The following MAP4 variants were observed in gnomAD, a reference collection of about 807,000 sequenced individuals.
MAP4 encodes microtubule associated protein 4, also known as microtubule-associated protein 4.
Under a neutral mutation model 170.2 loss-of-function variants are expected in MAP4, and 76 were observed. The observed-to-expected ratio is 0.45, with a 90% CI of 0.37 to 0.54. The LOEUF (loss-of-function observed/expected upper bound fraction) is 0.54. Among genes scored for constraint, MAP4 ranks in the 20% least tolerant of loss-of-function variants. The pLI is 0.00. For synonymous variants in MAP4, 909 were observed against 994.5 expected, an observed-to-expected ratio of 0.91 and a Z score of 1.62; for missense variants, 2,506 against 2,748.0, an observed-to-expected ratio of 0.91 and a Z score of 1.97.
intron 3 of MAP4, among the ~76,000 whole-genome samples, chr3:47,928,697 G>C (rs936179522): frequency 8.6e-5 from 13 of 151,828 alleles, no homozygotes; most frequent in African/African-American, 2.7e-4. Context: ...AAATAAAGTA[G>C]GTCATTAAGG....
chr3:47,891,348 T>C, intron 10 of MAP4: 1 of 1,536,152 alleles, frequency 6.5e-7, no homozygotes, highest in Non-Finnish European at 8.7e-7. Context: ...AAAGGAGGTA[T>C]CTCTTTAGTA....
chr3:47,945,868 C>T (rs1014719590), intron 3 of MAP4, among the ~76,000 whole-genome samples: 1 of 151,712 alleles, frequency 6.6e-6, no homozygotes, highest in African/African-American at 2.4e-5. Flanking sequence ...CACATCACCA[C>T]ACCCAGCTAA....
At chr3:47,906,538 C>T (rs2100033127) in intron 9 of MAP4, among the ~76,000 whole-genome samples, 3 of 151,746 alleles carry the variant, frequency 2.0e-5, no homozygotes, top group Admixed American at 6.6e-5. Flanking sequence ...ACAAAATTAG[C>T]TGGGCGTGGT....
At chr3:48,013,014 C>T (rs1000918402) in intron 1 of MAP4, among the ~76,000 whole-genome samples, 3 of 151,374 alleles carry the variant, frequency 2.0e-5, no homozygotes, top group African/African-American at 4.9e-5. Context: ...TAAATTAAAG[C>T]GATTATCCAA....
At chr3:48,037,567 G>C (rs1038039489) in intron 1 of MAP4, among the ~76,000 whole-genome samples, 2 of 151,872 alleles carry the variant, frequency 1.3e-5, no homozygotes, top group East Asian at 3.9e-4. Flanking sequence ...GCTAATTTTT[G>C]TATTTTTTGT....
At chr3:47,944,242 G>A (rs9842649) in intron 3 of MAP4, among the ~76,000 whole-genome samples, 40,753 of 151,826 alleles carry the variant, frequency 0.27, 6,056 homozygotes, top group South Asian at 0.37. Flanking sequence ...CCTGGGAGGC[G>A]GAGGTTGCAG....
chr3:47,980,599 T>C (rs1483484523), intron 2 of MAP4, among the ~76,000 whole-genome samples: 1 of 151,982 alleles, frequency 6.6e-6, no homozygotes, highest in Non-Finnish European at 1.5e-5. Flanking sequence ...AAAACCAGAA[T>C]ATAATTTAAA....
At chr3:47,887,652 G>A (rs1185964705) in intron 10 of MAP4, among the ~76,000 whole-genome samples, 3 of 152,254 alleles carry the variant, frequency 2.0e-5, no homozygotes, top group Non-Finnish European at 2.9e-5. Flanking sequence ...AGATCCACTA[G>A]GTGAACCCAG....
chr3:48,033,906 A>T (rs2100117462), intron 1 of MAP4, among the ~76,000 whole-genome samples: 1 of 152,172 alleles, frequency 6.6e-6, no homozygotes, highest in South Asian at 2.1e-4. Flanking sequence ...TCCAGCCAAG[A>T]ATTTTTAATT....
intron 1 of MAP4, among the ~76,000 whole-genome samples, chr3:48,031,462 A>T (rs1001244151): frequency 3.9e-5 from 6 of 152,082 alleles, no homozygotes; most frequent in Non-Finnish European, 8.8e-5. Flanking sequence ...GAGGCAGGAG[A>T]ATCACTTGAA....
At chr3:47,940,241 C>T (rs1399827750) in intron 3 of MAP4, among the ~76,000 whole-genome samples, 1 of 152,066 alleles carries the variant, frequency 6.6e-6, no homozygotes, top group African/African-American at 2.4e-5. Flanking sequence ...AATCACCAGT[C>T]CCCCGCCACC....
intron 3 of MAP4, among the ~76,000 whole-genome samples, chr3:47,966,145 C>T (rs1305380723): frequency 2.0e-5 from 3 of 150,778 alleles, no homozygotes; most frequent in Non-Finnish European, 4.4e-5. Flanking sequence ...TTTACCATAG[C>T]TCACTGCAGC....
intron 2 of MAP4, among the ~76,000 whole-genome samples, chr3:47,990,334 G>A (rs953888076): frequency 2.0e-5 from 3 of 152,048 alleles, no homozygotes; most frequent in African/African-American, 7.2e-5. Flanking sequence ...GGCAGGGTAC[G>A]GTGTCTCCCA....
intron 3 of MAP4, among the ~76,000 whole-genome samples, chr3:47,977,114 C>T (rs1046985862): frequency 6.6e-6 from 1 of 152,178 alleles, no homozygotes; most frequent in Non-Finnish European, 1.5e-5. Flanking sequence ...TAGAAGTCAA[C>T]TCATTTGGGT....
At chr3:48,068,709 AG>A (rs2100139557) in intron 1 of MAP4, among the ~76,000 whole-genome samples, 1 of 152,142 alleles carries the variant, frequency 6.6e-6, no homozygotes, top group Admixed American at 6.6e-5. Flanking sequence ...GCTTGAACCC[AG>A]GAAGTGGAGG....
chr3:47,853,391 C>G (rs1367707497), intron 19 of MAP4, 39 bp from the exon 20 acceptor site: 35 of 1,411,766 alleles, frequency 2.5e-5, no homozygotes, highest in Middle Eastern at 2.4e-4. Flanking sequence ...CAGGGTCAGT[C>G]GAGGGGGGGA....
At chr3:48,054,312 C>A (rs1378224018) in intron 1 of MAP4, among the ~76,000 whole-genome samples, 1 of 148,346 alleles carries the variant, frequency 6.7e-6, no homozygotes, top group Non-Finnish European at 1.5e-5. Context: ...ACAAAAAAAA[C>A]AAAAAACAAA....
chr3:47,965,453 T>C (rs1253789306), intron 3 of MAP4, among the ~76,000 whole-genome samples: 2 of 152,218 alleles, frequency 1.3e-5, no homozygotes, highest in Non-Finnish European at 2.9e-5. Context: ...TAATTCTGTT[T>C]TTAATTTTTT....
chr3:47,997,324 G>A (rs1172930347), intron 2 of MAP4, among the ~76,000 whole-genome samples: 1 of 43,342 alleles, frequency 2.3e-5, no homozygotes, highest in African/African-American at 2.1e-4. Flanking sequence ...TATTTAAACT[G>A]CTAAAAAAAA....
Sources: allele counts gnomAD v4.1 joint callset (sites outside exome capture counted in the v4.1 genomes callset), GRCh38; gene constraint gnomAD v4.1.1; transcripts MANE v1.5; gene names NCBI Gene and HGNC (gene_info 2026-07-23, HGNC 2026-07-21).